Variants in ERG observed in about 807,000 individuals in gnomAD.
ERG encodes the protein transcriptional regulator ERG.
In ERG, 9 loss-of-function variants were observed where a neutral mutation model predicts 55.3. The observed-to-expected ratio is 0.16, with a 90% confidence interval of 0.10 to 0.28. The LOEUF is 0.28. Among genes scored for constraint, ERG ranks in the 10% least tolerant of loss-of-function variants. The probability of loss-of-function intolerance (pLI) is 1.00; values close to 1 mark genes in which losing one functional copy is unlikely to be tolerated. For missense variants in ERG, 434 were observed against 631.6 expected (o/e 0.69, Z 3.35); for synonymous variants, 223 against 237.3 (o/e 0.94, Z 0.55).
At chr21:38,402,485 C>T (rs1988541805) in intron 5 of ERG, 72 bp downstream of exon 5, 1 of 1,157,760 alleles carries the variant, frequency 8.6e-7, no homozygotes, top group East Asian at 2.4e-5. Context: ...TGACTGGTTT[C>T]CCATGAAAGC....
the ERG span, among the ~76,000 whole-genome samples, chr21:38,374,682 A>G: frequency 6.6e-6 from 1 of 152,132 alleles, no homozygotes; most frequent in African/African-American, 2.4e-5. Context: ...GAACCCCTAC[A>G]ACAGACTATG....
At chr21:38,548,803 T>C (rs1289523127) in intron 2 of ERG, among the ~76,000 whole-genome samples, 1 of 148,532 alleles carries the variant, frequency 6.7e-6, no homozygotes, top group Non-Finnish European at 1.5e-5. Context: ...CAGTTATTTG[T>C]AGAAACTCTG....
At position 38,405,252 on chromosome 21, in the gene ERG, T is replaced by C. The variant is rs141093998; in HGVS notation, c.389-1543A>G. On this transcript the variant is annotated intron_variant, in intron 3 of 9. Transcript: ENST00000288319. ...TTTTAAAGTTAACATAAACGATATA[T>C]GATTTGCTATTGGCACTCAATGTTA... Among the ~76,000 whole-genome samples, 328 of 152,350 alleles carry C rather than the reference T, an allele frequency of 2.2e-3. 2 individuals are homozygous for C. Among genetic ancestry groups the C allele is most frequent in the South Asian group, 5.2e-3 (25 of 4,828 alleles).
chr21:38,437,781 G>A (rs2058804631), intron 2 of ERG, among the ~76,000 whole-genome samples: 1 of 152,016 alleles, frequency 6.6e-6, no homozygotes, highest in Non-Finnish European at 1.5e-5. Flanking sequence ...CCCAGGATGC[G>A]ACTGCCTCTC....
intron 1 of ERG, among the ~76,000 whole-genome samples, chr21:38,613,159 C>A (rs1208813709): frequency 2.0e-5 from 3 of 152,200 alleles, no homozygotes; most frequent in Admixed American, 2.0e-4. Flanking sequence ...TCTGAGGAAG[C>A]AGTGAACGGA....
At chr21:38,553,572 AG>A (rs1264396964) in intron 2 of ERG, among the ~76,000 whole-genome samples, 1 of 152,220 alleles carries the variant, frequency 6.6e-6, no homozygotes, top group Non-Finnish European at 1.5e-5. Flanking sequence ...AGACAAAACA[AG>A]CAATGTGGAA....
chr21:38,483,401 C>T (rs2059255256), intron 1 of ERG, among the ~76,000 whole-genome samples: 1 of 152,144 alleles, frequency 6.6e-6, no homozygotes, highest in South Asian at 2.1e-4. Flanking sequence ...TCATGTTGTA[C>T]ACCTTAAATA....
At chr21:38,512,599 A>T (rs753972685) in intron 2 of ERG, among the ~76,000 whole-genome samples, 4 of 152,232 alleles carry the variant, frequency 2.6e-5, no homozygotes, top group Non-Finnish European at 5.9e-5. Context: ...TCAAAGTATA[A>T]TAAGTTTTAG....
chr21:38,391,532 A>T, intron 8 of ERG, 127 bp downstream of exon 8: 1 of 746,154 alleles, frequency 1.3e-6, no homozygotes, highest in Non-Finnish European at 2.2e-6. Context: ...GCCCTATCTT[A>T]TGTATGGAGC....
At chr21:38,503,821 A>C (rs1261962382) in intron 2 of ERG, among the ~76,000 whole-genome samples, 2 of 151,930 alleles carry the variant, frequency 1.3e-5, no homozygotes, top group Non-Finnish European at 2.9e-5. Flanking sequence ...AAACTCCAGC[A>C]CTCCATGGAA....
At chr21:38,451,778 T>G (rs1283828304) in intron 1 of ERG, among the ~76,000 whole-genome samples, 1 of 152,200 alleles carries the variant, frequency 6.6e-6, no homozygotes, top group Non-Finnish European at 1.5e-5. Context: ...GAGTTTTTAT[T>G]CTAAATGTGT....
At chr21:38,659,104 T>C (rs1411366858) in intron 1 of ERG, among the ~76,000 whole-genome samples, 1 of 152,170 alleles carries the variant, frequency 6.6e-6, no homozygotes, top group African/African-American at 2.4e-5. Flanking sequence ...TTAACAAATA[T>C]CTTGAGACGG....
chr21:38,442,952 T>C (rs2058855690), intron 2 of ERG, among the ~76,000 whole-genome samples: 1 of 151,990 alleles, frequency 6.6e-6, no homozygotes, highest in Non-Finnish European at 1.5e-5. Flanking sequence ...GGACTACAGG[T>C]GCCCACCACC....
upstream of ERG, among the ~76,000 whole-genome samples, chr21:38,503,329 G>A (rs762669871): frequency 2.6e-5 from 4 of 151,384 alleles, no homozygotes; most frequent in Non-Finnish European, 5.9e-5. Context: ...ATGCCCAAAT[G>A]CCTGTTCTTT....
Position 38,382,851 on chromosome 21 carries a change from A to G in ERG, c.*552T>C. 9.4e-7 allele frequency: 1 copy of G among 1,066,282 alleles called. No homozygotes were observed. 66.1% of individuals were successfully genotyped at this position (1,066,282 alleles called of 1,614,324 possible). A position where few individuals can be genotyped will look rare whatever the true frequency, so the allele number is the denominator to read the frequency against. The stretch of plus-strand genomic sequence containing the variant: ...GACAGCTGTCCATCAAACGGAATGT[A>G]TTTGATTTCAACCAAAACAGCACAT... On this transcript the variant is annotated 3_prime_UTR_variant, in exon 10 of 10. Transcript: ENST00000288319.
intron 1 of ERG, among the ~76,000 whole-genome samples, chr21:38,584,514 TG>T (rs1041146937): frequency 2.6e-4 from 40 of 152,242 alleles, no homozygotes; most frequent in African/African-American, 9.4e-4. Flanking sequence ...CTGGTTCCTC[TG>T]GAAAAGGGAG....
At chr21:38,652,774 G>C (rs907692584) in intron 1 of ERG, among the ~76,000 whole-genome samples, 7 of 152,178 alleles carry the variant, frequency 4.6e-5, no homozygotes, top group African/African-American at 1.4e-4. Flanking sequence ...CCCTGCTCGG[G>C]AACATCTCCT....
intron 9 of ERG, among the ~76,000 whole-genome samples, chr21:38,389,135 G>A (rs138612374): frequency 1.5e-3 from 236 of 152,266 alleles, no homozygotes; most frequent in Non-Finnish European, 2.8e-3. Context: ...CTCACAGTCC[G>A]CATTTTGTAA....
At chr21:38,633,275 CA>C (rs2060368091) in intron 1 of ERG, among the ~76,000 whole-genome samples, 1 of 152,068 alleles carries the variant, frequency 6.6e-6, no homozygotes, top group Non-Finnish European at 1.5e-5. Context: ...TTCAGATTTG[CA>C]AGATGGAAAA....
Sources: allele counts gnomAD v4.1 joint callset (sites outside exome capture counted in the v4.1 genomes callset), GRCh38; gene constraint gnomAD v4.1.1; transcripts MANE v1.5; gene names NCBI Gene and HGNC (gene_info 2026-07-23, HGNC 2026-07-21).